BFSP1: variants seen among roughly 807,000 people sequenced by gnomAD.
BFSP1 encodes beaded filament structural protein 1.
Under a neutral mutation model 43.9 loss-of-function variants are expected in BFSP1, and 38 were observed. The observed-to-expected ratio is 0.87, with a 90% confidence interval of 0.67 to 1.14. The LOEUF is 1.14. BFSP1 is among the 50% of genes most tolerant of loss of function. The pLI, the probability that BFSP1 is intolerant of heterozygous loss-of-function variation, is 0.00. For synonymous variants in BFSP1, 352 were observed against 354.8 expected (o/e 0.99, Z 0.09); for missense variants, 850 against 875.1 (o/e 0.97, Z 0.36).
chr20:17,504,419 T>C (rs1273185632), intron 5 of BFSP1, among the ~76,000 whole-genome samples: 1 of 152,144 alleles, frequency 6.6e-6, no homozygotes, highest in Non-Finnish European at 1.5e-5. Flanking sequence ...CGAGAGCCAC[T>C]GTGGCACGGC....
At chr20:17,535,533 A>G (rs1417652769), upstream of BFSP1, among the ~76,000 whole-genome samples, 3 of 152,238 alleles carry the variant, frequency 2.0e-5, no homozygotes, top group East Asian at 5.8e-4. Flanking sequence ...TCATCTCAAA[A>G]AAAGGAAAAT....
At position 17,530,947 on chromosome 20, in the gene BFSP1, G is replaced by A; in HGVS notation, c.377+6C>T. 1 of 1,419,954 alleles carries A rather than the reference G, an allele frequency of 7.0e-7. No homozygotes were observed. The highest frequency in any genetic ancestry group is 9.2e-7 in the Non-Finnish European group (1 of 1,090,622). 88.0% of individuals were successfully genotyped at this position (1,419,954 alleles called of 1,614,324 possible). A position where few individuals can be genotyped will look rare whatever the true frequency, so the allele number is the denominator to read the frequency against. On this transcript the variant is annotated splice_donor_region_variant and intron_variant, in intron 1 of 7. Coordinates refer to ENST00000377873, the MANE Select transcript of BFSP1 (RefSeq NM_001195.5). ...GCCTCGGTTTCCCCCGATGGCCGCC[G>A]CTTACTTGCTTCGGAACTCGTCGAG...
chr20:17,509,661 G>A (rs375076831), intron 4 of BFSP1, among the ~76,000 whole-genome samples: 224 of 152,234 alleles, frequency 1.5e-3, no homozygotes, highest in African/African-American at 5.2e-3. Context: ...GCACACTCTC[G>A]AAGAAAATGA....
intron 5 of BFSP1, among the ~76,000 whole-genome samples, chr20:17,503,934 G>A (rs542619873): frequency 6.6e-6 from 1 of 152,334 alleles, no homozygotes; most frequent in East Asian, 1.9e-4. Context: ...AATGGGAAAT[G>A]AGAGCCCAGG....
At chr20:17,524,811 A>G in intron 2 of BFSP1, 37 bp downstream of exon 2, 1 of 1,600,628 alleles carries the variant, frequency 6.2e-7, no homozygotes, top group Non-Finnish European at 8.6e-7. Context: ...CAACACTGTA[A>G]TTAAGCTACG....
chr20:17,557,372 G>A (rs1378632169), intron 1 of BFSP1, among the ~76,000 whole-genome samples: 2 of 152,200 alleles, frequency 1.3e-5, no homozygotes, highest in Non-Finnish European at 2.9e-5. Flanking sequence ...CTGCACTGGT[G>A]TTGCAGACCA....
upstream of BFSP1, among the ~76,000 whole-genome samples, chr20:17,561,353 G>T (rs2035065067): frequency 6.6e-6 from 1 of 152,106 alleles, no homozygotes; most frequent in African/African-American, 2.4e-5. Flanking sequence ...AAAAAAATTA[G>T]CTGGGCGTAG....
chr20:17,537,328 G>T (rs1424291020), intron 1 of BFSP1, among the ~76,000 whole-genome samples: 2 of 152,132 alleles, frequency 1.3e-5, no homozygotes, highest in Non-Finnish European at 2.9e-5. Context: ...TGAGGCCCCA[G>T]TCTCTAAAGA....
At chr20:17,526,163 G>A (rs2034418961) in intron 1 of BFSP1, among the ~76,000 whole-genome samples, 1 of 103,542 alleles carries the variant, frequency 9.7e-6, no homozygotes, top group Admixed American at 1.1e-4. Flanking sequence ...GGGGGGGGCT[G>A]GTAAAATATG....
At chr20:17,561,366 G>T (rs2035065180), upstream of BFSP1, among the ~76,000 whole-genome samples, 1 of 152,166 alleles carries the variant, frequency 6.6e-6, no homozygotes, top group Admixed American at 6.6e-5. Context: ...GGGCGTAGTA[G>T]TGGGTGCCTG....
intron 6 of BFSP1, 112 bp from the exon 7 acceptor site, chr20:17,497,135 C>T (rs1408982342): frequency 1.8e-5 from 12 of 683,242 alleles, no homozygotes; most frequent in Non-Finnish European, 2.6e-5. Context: ...AAATTGCTCA[C>T]GAATTAGATA....
At chr20:17,545,255 CGGGCT>C (rs1384533912) in intron 1 of BFSP1, among the ~76,000 whole-genome samples, 2 of 152,142 alleles carry the variant, frequency 1.3e-5, no homozygotes, top group East Asian at 3.9e-4. Context: ...GTAGGGTTTG[CGGGCT>C]GGGCTGGACG....
At chr20:17,552,204 A>T (rs1216160955) in intron 1 of BFSP1, among the ~76,000 whole-genome samples, 1 of 152,216 alleles carries the variant, frequency 6.6e-6, no homozygotes, top group African/African-American at 2.4e-5. Flanking sequence ...GACCTCACTG[A>T]GGAGGTTACA....
chr20:17,523,814 C>T (rs2123515306), intron 2 of BFSP1, among the ~76,000 whole-genome samples: 1 of 152,016 alleles, frequency 6.6e-6, no homozygotes, highest in Non-Finnish European at 1.5e-5. Context: ...TTGGGTTTCC[C>T]CTAGATTCTA....
At chr20:17,496,672 T>TA (rs2033638877) in intron 7 of BFSP1, among the ~76,000 whole-genome samples, 1 of 152,112 alleles carries the variant, frequency 6.6e-6, no homozygotes, top group African/African-American at 2.4e-5. Flanking sequence ...AAAACAAATA[T>TA]AAAAATACAA....
chr20:17,566,062 G>C (rs1012616697), intron 1 of BFSP1, among the ~76,000 whole-genome samples: 7 of 145,952 alleles, frequency 4.8e-5, no homozygotes, highest in African/African-American at 1.8e-4. Flanking sequence ...AGGTTGCAGT[G>C]AGCTGACATC....
intron 5 of BFSP1, among the ~76,000 whole-genome samples, chr20:17,505,847 C>T (rs2033923933): frequency 6.6e-6 from 1 of 152,206 alleles, no homozygotes; most frequent in Non-Finnish European, 1.5e-5. Flanking sequence ...CTCCCGGGCG[C>T]ACCCAGCCAC....
intron 5 of BFSP1, among the ~76,000 whole-genome samples, chr20:17,499,911 A>C (rs12481046): frequency 6.6e-6 from 1 of 152,172 alleles, no homozygotes; most frequent in Non-Finnish European, 1.5e-5. Flanking sequence ...ACAGAGCAAG[A>C]CTCTGTCTAA....
intron 5 of BFSP1, among the ~76,000 whole-genome samples, chr20:17,500,877 C>T (rs1346970854): frequency 1.3e-5 from 2 of 152,188 alleles, no homozygotes; most frequent in Non-Finnish European, 2.9e-5. Context: ...AAGAATTTGA[C>T]ACGCATGGTC....
Sources: allele counts gnomAD v4.1 joint callset (sites outside exome capture counted in the v4.1 genomes callset), GRCh38; gene constraint gnomAD v4.1.1; transcripts MANE v1.5; gene names NCBI Gene and HGNC (gene_info 2026-07-23, HGNC 2026-07-21).